The following GREB1L variants were observed in gnomAD, a reference collection of about 807,000 sequenced individuals.
The protein encoded by GREB1L is GREB1-like protein.
A neutral mutation model predicts 200.8 loss-of-function variants in GREB1L; 17 were observed. The observed-to-expected ratio is 0.08, with a 90% CI of 0.06 to 0.13. The LOEUF is 0.13. GREB1L is among the 10% of genes least tolerant of loss of function. GREB1L has a pLI of 1.00. For missense variants in GREB1L, 1,657 were observed against 2,367.7 expected (o/e 0.70, Z 6.23); for synonymous variants, 789 against 893.0 (o/e 0.88, Z 2.08).
intron 1 of GREB1L, among the ~76,000 whole-genome samples, chr18:21,344,380 G>A (rs573948503): frequency 6.2e-5 from 9 of 144,588 alleles, no homozygotes; most frequent in Non-Finnish European, 1.3e-4. Flanking sequence ...CAGCCTGGGC[G>A]ACAGAGCAAA....
In GREB1L at chr18:21,485,743, C is replaced by T; in HGVS notation, c.2680C>T (p.Leu894Phe). The stretch of plus-strand genomic sequence containing the variant: ...GACTTTTGAAAAAATGGTGAACACA[C>T]TCTTGGAGAGGTAAATAGTAAATAA... ...DETFEKMVNT[L>F]LERYPRLHSM... The change falls in exon 18 of 33, where the codon CTC becomes TTC. Residue 894 changes from leucine to phenylalanine, a missense_variant. By Grantham distance (22) the Leu-to-Phe change is conservative. This residue lies in a region of GREB1L where 82 missense variants were observed against 95.9 expected (regional missense o/e 0.85). Transcript: ENST00000424526. 6.4e-7 allele frequency: 1 copy of T among 1,551,526 alleles called. No homozygotes were observed. The highest frequency in any genetic ancestry group is 8.7e-7 in the Non-Finnish European group (1 of 1,146,902).
At chr18:21,473,702 C>T (rs1486386410) in intron 16 of GREB1L, among the ~76,000 whole-genome samples, 1 of 151,926 alleles carries the variant, frequency 6.6e-6, no homozygotes, top group Non-Finnish European at 1.5e-5. Flanking sequence ...CTTCTCTCAT[C>T]GATTTCATGT....
intron 14 of GREB1L, among the ~76,000 whole-genome samples, chr18:21,454,066 C>T (rs1269724516): frequency 1.3e-5 from 2 of 152,172 alleles, no homozygotes; most frequent in African/African-American, 4.8e-5. Flanking sequence ...TAGTCGGTCT[C>T]CTCCACTTCT....
At chr18:21,256,735 C>G (rs2144045330) in intron 1 of GREB1L, among the ~76,000 whole-genome samples, 1 of 152,148 alleles carries the variant, frequency 6.6e-6, no homozygotes, top group Non-Finnish European at 1.5e-5. Context: ...AAAATAGACT[C>G]CCAGTCACGC....
chr18:21,343,112 C>T (rs2039291976), intron 1 of GREB1L, among the ~76,000 whole-genome samples: 1 of 151,182 alleles, frequency 6.6e-6, no homozygotes, highest in Non-Finnish European at 1.5e-5. Flanking sequence ...AAGTCATGGA[C>T]ACCTTTTGGT....
chr18:21,369,774 CTGTCTCTACTAAATAAATACAAAAAT>C (rs2039803172), intron 2 of GREB1L, among the ~76,000 whole-genome samples: 1 of 151,730 alleles, frequency 6.6e-6, no homozygotes, highest in African/African-American at 2.4e-5. Flanking sequence ...TGGTGAAACC[CTGTCTCTACTAAATAAATACAAAAAT>C]TAGCCAAGCG....
At chr18:21,304,529 A>T (rs946076656) in intron 1 of GREB1L, among the ~76,000 whole-genome samples, 1 of 152,076 alleles carries the variant, frequency 6.6e-6, no homozygotes, top group Non-Finnish European at 1.5e-5. Context: ...AAAAAAAAGT[A>T]CGTGTGACCT....
At chr18:21,311,553 C>T (rs1358884160) in intron 1 of GREB1L, among the ~76,000 whole-genome samples, 2 of 152,120 alleles carry the variant, frequency 1.3e-5, no homozygotes, top group South Asian at 2.1e-4. Context: ...AAGCGGCACC[C>T]GTCCATCTGC....
chr18:21,244,364 A>T (rs2037561012), intron 1 of GREB1L, among the ~76,000 whole-genome samples: 1 of 152,194 alleles, frequency 6.6e-6, no homozygotes, highest in African/African-American at 2.4e-5. Context: ...TTGACATGAC[A>T]TAATATAAAG....
At chr18:21,354,346 G>T (rs1038822148) in intron 1 of GREB1L, among the ~76,000 whole-genome samples, 1 of 152,100 alleles carries the variant, frequency 6.6e-6, no homozygotes, top group South Asian at 2.1e-4. Context: ...CCAACACTTA[G>T]GGAGGCAGAG....
At chr18:21,445,267 G>A (rs2034149363) in intron 11 of GREB1L, among the ~76,000 whole-genome samples, 2 of 152,232 alleles carry the variant, frequency 1.3e-5, no homozygotes, top group South Asian at 2.1e-4. Context: ...CTGAGGTGGG[G>A]AGTTCGAGAC....
chr18:21,284,024 C>G (rs2038313912), intron 1 of GREB1L, among the ~76,000 whole-genome samples: 1 of 152,210 alleles, frequency 6.6e-6, no homozygotes, highest in Non-Finnish European at 1.5e-5. Flanking sequence ...CACCCCACTT[C>G]AGTACCTGGA....
chr18:21,457,660 A>C (rs1278571468), intron 15 of GREB1L, among the ~76,000 whole-genome samples: 1 of 152,196 alleles, frequency 6.6e-6, no homozygotes, highest in Non-Finnish European at 1.5e-5. Context: ...ATGAATGTAT[A>C]GTCACATCAT....
intron 6 of GREB1L, among the ~76,000 whole-genome samples, chr18:21,402,311 GT>G (rs1169447058): frequency 6.6e-6 from 1 of 151,990 alleles, no homozygotes; most frequent in African/African-American, 2.4e-5. Flanking sequence ...CTTTAGCCTT[GT>G]TTTGGTTGCA....
chr18:21,337,614 A>G (rs368806774), intron 1 of GREB1L, among the ~76,000 whole-genome samples: 5 of 152,280 alleles, frequency 3.3e-5, no homozygotes, highest in African/African-American at 7.2e-5. Flanking sequence ...ATTTGTTTCC[A>G]TTTTCTGAAG....
intron 1 of GREB1L, among the ~76,000 whole-genome samples, chr18:21,270,200 G>A (rs1206317996): frequency 6.6e-6 from 1 of 152,222 alleles, no homozygotes; most frequent in Admixed American, 6.5e-5. Context: ...TATCTGAGAA[G>A]TGTCACTTGT....
intron 1 of GREB1L, among the ~76,000 whole-genome samples, chr18:21,255,803 A>G (rs2037790761): frequency 6.6e-6 from 1 of 152,202 alleles, no homozygotes; most frequent in African/African-American, 2.4e-5. Flanking sequence ...TAAGCTTTTT[A>G]AGAGGAGGTA....
chr18:21,329,839 C>T (rs1320461653), intron 1 of GREB1L, among the ~76,000 whole-genome samples: 5 of 151,964 alleles, frequency 3.3e-5, no homozygotes, highest in African/African-American at 1.2e-4. Flanking sequence ...CCATCTAGCC[C>T]CCTCTCCTGT....
At chr18:21,458,274 G>A (rs2034871100) in intron 15 of GREB1L, among the ~76,000 whole-genome samples, 2 of 152,050 alleles carry the variant, frequency 1.3e-5, no homozygotes, top group Non-Finnish European at 2.9e-5. Context: ...CCCGGCCCAA[G>A]GACAGTTTTT....
Sources: gnomAD v4.1 joint callset for allele counts (sites outside exome capture counted in the v4.1 genomes callset) on GRCh38, gnomAD v4.1.1 for gene constraint, gnomAD v4.1.1 regional missense constraint, MANE v1.5 for transcripts, NCBI Gene and HGNC (gene_info 2026-07-23, HGNC 2026-07-21) for gene names.